Variants in GTF3C1 observed in about 807,000 individuals in gnomAD.
GTF3C1 encodes general transcription factor 3C polypeptide 1.
In GTF3C1, 57 loss-of-function variants were observed where a neutral mutation model predicts 226.7. The observed-to-expected ratio is 0.25, with a 90% confidence interval of 0.20 to 0.31. GTF3C1 has a LOEUF of 0.31. Among genes scored for constraint, GTF3C1 ranks in the 10% least tolerant of loss-of-function variants. The pLI is 1.00. For missense variants in GTF3C1, 2,217 were observed against 2,776.1 expected (o/e 0.80, Z 4.53); for synonymous variants, 1,090 against 1,084.8 (o/e 1.00, Z -0.09).
chr16:27,468,448 C>T (rs1187131053), intron 32 of GTF3C1, among the ~76,000 whole-genome samples: 1 of 150,482 alleles, frequency 6.6e-6, no homozygotes, highest in African/African-American at 2.5e-5. Flanking sequence ...CCCGTCTCTA[C>T]AAAAAATTAA....
At chr16:27,484,620 C>T (rs534450683) in intron 24 of GTF3C1, among the ~76,000 whole-genome samples, 81 of 152,156 alleles carry the variant, frequency 5.3e-4, no homozygotes, top group African/African-American at 1.8e-3. Flanking sequence ...AGGTGCCCAA[C>T]GGGGCGGGGG....
chr16:27,507,097 T>C lies in GTF3C1; in HGVS notation c.1302A>G (p.Ala434=), dbSNP rs1406776557. The change falls in exon 9 of 37, where the codon GCA becomes GCG. Residue 434 remains alanine (A), a synonymous_variant. Coordinates refer to ENST00000356183, the MANE Select transcript of GTF3C1 (RefSeq NM_001520.4). This position sits in a 1 kb window ranked among gnomAD's most constrained non-coding sequence, Gnocchi z 4.9. ...RTTKYISCVF[A]EESDLSRQYQ... is the part of the protein sequence containing the mutation. ...ACTGCCGGCTTAGGTCGCTCTCCTCTGCAAACACGCAGGAAATGTACTTGG... is the reference window on the plus strand; with the variant it reads ...ACTGCCGGCTTAGGTCGCTCTCCTCCGCAAACACGCAGGAAATGTACTTGG... 6.2e-7 allele frequency: 1 copy of C among 1,613,596 alleles called. No homozygotes were observed. The highest frequency in any genetic ancestry group is 8.5e-7 in the Non-Finnish European group (1 of 1,179,932).
intron 1 of GTF3C1, 26 bp from the exon 2 acceptor site, chr16:27,545,549 A>G (rs779185367): frequency 2.3e-6 from 3 of 1,277,582 alleles, no homozygotes; most frequent in Non-Finnish European, 3.4e-6. Context: ...CAAATATCAA[A>G]GCCCAACTCA....
Position 27,464,788 on chromosome 16 carries a change from G to A in GTF3C1, c.5404C>T (p.Arg1802Cys). 1.3e-6 allele frequency: 2 copies of A among 1,540,550 alleles called. No homozygotes were observed. Among genetic ancestry groups the A allele is most frequent in the Non-Finnish European group, 1.7e-6 (2 of 1,156,304 alleles). Residue 1802 changes from arginine to cysteine, a missense_variant, in exon 34 of 37, where the codon CGC becomes TGC. Around this residue, in one of 12 missense-constraint regions of GTF3C1, gnomAD observed 455 missense variants for 441.9 expected, o/e 1.03. Transcript: ENST00000356183. ...QVLEVGGNTA[R>C]LVAMGSAWPW... The stretch of plus-strand genomic sequence containing the variant: ...CAGGCAGAGCCCATGGCTACCAGGC[G>A]CGCAGTGTTGCCACCGACCTCCAGC...
chr16:27,544,832 C>T (rs886764937), intron 2 of GTF3C1, among the ~76,000 whole-genome samples: 2 of 152,152 alleles, frequency 1.3e-5, no homozygotes, highest in African/African-American at 4.8e-5. Flanking sequence ...GACCCGTGAC[C>T]CCAGTGAAGA....
chr16:27,474,277 A>G (rs923176874), intron 29 of GTF3C1, among the ~76,000 whole-genome samples: 1 of 152,254 alleles, frequency 6.6e-6, no homozygotes, highest in African/African-American at 2.4e-5. Context: ...GGGTTAAGGC[A>G]GAGTGACTAG....
In GTF3C1 at chr16:27,478,457, A is replaced by G. The variant is rs2087987632; in HGVS notation, c.4259+12T>C. Reference sequence around the variant, plus strand: ...CAGCTGAGGAAAAGCTACTCTATATATCAGTACTTACCTGTTAAGTTCATC... The same window carrying G: ...CAGCTGAGGAAAAGCTACTCTATATGTCAGTACTTACCTGTTAAGTTCATC... On this transcript the variant is annotated intron_variant, in intron 28 of 36. Coordinates refer to ENST00000356183, the MANE Select transcript of GTF3C1 (RefSeq NM_001520.4). 2 of 1,556,640 alleles carry G rather than the reference A, an allele frequency of 1.3e-6. No homozygotes were observed. Among genetic ancestry groups the G allele is most frequent in the African/African-American group, 1.4e-5 (1 of 73,872 alleles).
chr16:27,484,718 T>C (rs2088109118), intron 24 of GTF3C1, among the ~76,000 whole-genome samples: 1 of 152,250 alleles, frequency 6.6e-6, no homozygotes, highest in Non-Finnish European at 1.5e-5. Flanking sequence ...TAATTATGCA[T>C]CATGTGTGCT....
chr16:27,502,747 T>C, intron 11 of GTF3C1, 112 bp downstream of exon 11: 2 of 1,097,328 alleles, frequency 1.8e-6, no homozygotes, highest in East Asian at 5.2e-5. Flanking sequence ...ATCTACACAG[T>C]GGGACAGAGA....
At chr16:27,538,854 T>C (rs148382566) in intron 2 of GTF3C1, among the ~76,000 whole-genome samples, 178 of 152,148 alleles carry the variant, frequency 1.2e-3, no homozygotes, top group African/African-American at 4.2e-3. Flanking sequence ...CGCAGCTCAG[T>C]TGTCAACTCC....
chr16:27,499,799 G>C (rs757140186), intron 12 of GTF3C1, among the ~76,000 whole-genome samples: 2 of 152,218 alleles, frequency 1.3e-5, no homozygotes, highest in Non-Finnish European at 2.9e-5. Flanking sequence ...AAAGGCAAAA[G>C]ACTGACACAG....
chr16:27,520,208 G>A (rs1052218727), intron 6 of GTF3C1, among the ~76,000 whole-genome samples: 2 of 152,102 alleles, frequency 1.3e-5, no homozygotes, highest in Non-Finnish European at 2.9e-5. Context: ...TCCACCTCCT[G>A]GGTTCAAGCG....
At chr16:27,510,696 C>G (rs879299651) in intron 7 of GTF3C1, among the ~76,000 whole-genome samples, 2 of 152,218 alleles carry the variant, frequency 1.3e-5, no homozygotes, top group Admixed American at 6.5e-5. Flanking sequence ...TCCCTTGCAG[C>G]CACTTCACCT....
intron 6 of GTF3C1, among the ~76,000 whole-genome samples, chr16:27,525,132 T>C (rs938699494): frequency 6.8e-6 from 1 of 147,116 alleles, no homozygotes; most frequent in African/African-American, 2.7e-5. Flanking sequence ...GCCTGGGCAA[T>C]AGAGAGAAAC....
chr16:27,486,151 TC>T lies in GTF3C1; in HGVS notation c.3703del (p.Glu1235SerfsTer24). Reference sequence around the variant, plus strand: ...CCTTTTGCTTTTTTCTCCTGGGAACTCTCCTAAAAACACCAGAGGGAGAAGG... The same window carrying T: ...CCTTTTGCTTTTTTCTCCTGGGAACTTCCTAAAAACACCAGAGGGAGAAGG... ...GKKIKRKKKGEFPGEKSKRLR... is the reference protein window; with the variant it reads ...GKKIKRKKKGXFPGEKSKRLR... On this transcript the variant is annotated frameshift_variant and splice_region_variant, in exon 24 of 37. Transcript: ENST00000356183. LOFTEE classifies it high-confidence loss of function. The T allele has an allele frequency of 6.3e-7, 1 of 1,590,044 alleles. No individual in the cohort carries two copies. Among genetic ancestry groups the T allele is most frequent in the Non-Finnish European group, 8.6e-7 (1 of 1,160,870 alleles).
In GTF3C1 at chr16:27,494,898, G is replaced by A. The variant is rs747088894; in HGVS notation, c.2643C>T (p.Asp881=). The A allele has an allele frequency of 7.7e-5, 125 of 1,613,532 alleles. No individual in the cohort carries two copies. Among genetic ancestry groups the A allele is most frequent in the Middle Eastern group, 3.3e-4 (2 of 6,076 alleles). Residue 881 remains aspartate (D), a synonymous_variant, in exon 16 of 37, where the codon GAC becomes GAT. Transcript: ENST00000356183. ...GGATGTAGCGCATCCACGAGGCATC[G>A]TCGACATACACTAGGAAAAAAACGC... The part of the protein sequence containing the change: ...VELATETVYV[D]DASWMRYIPP...
Position 27,507,084 on chromosome 16 carries a change from G to A in GTF3C1, c.1315C>T (p.Leu439=). Residue 439 remains leucine (L), a synonymous_variant, in exon 9 of 37, where the codon CTA becomes TTA. Coordinates refer to ENST00000356183, the MANE Select transcript of GTF3C1 (RefSeq NM_001520.4). This position sits in a 1 kb window ranked among gnomAD's most constrained non-coding sequence, Gnocchi z 4.9. ...ISCVFAEESD[L]SRQYQREKAR... is the part of the protein sequence containing the mutation. ...TTCTCTCTTTGGTACTGCCGGCTTA[G>A]GTCGCTCTCCTCTGCAAACACGCAG... 1.2e-6 allele frequency: 2 copies of A among 1,613,802 alleles called. No homozygotes were observed. The highest frequency in any genetic ancestry group is 1.7e-6 in the Non-Finnish European group (2 of 1,179,940).
intron 24 of GTF3C1, among the ~76,000 whole-genome samples, chr16:27,484,902 T>C (rs184789663): frequency 1.3e-5 from 2 of 152,254 alleles, no homozygotes; most frequent in African/African-American, 4.8e-5. Context: ...ACCCAAAAAG[T>C]CTGTAAGTTC....
chr16:27,506,601 T>C lies in GTF3C1; in HGVS notation c.1552+246A>G, dbSNP rs116519951. 7.0e-3 allele frequency among the ~76,000 whole-genome samples: 1,059 copies of C among 152,250 alleles called. 16 individuals carry two copies. Among genetic ancestry groups the C allele is most frequent in the African/African-American group, 0.024 (1,005 of 41,528 alleles). ...GGCAGAGGAAGCTTATGAAATTCCA[T>C]CCTTTAATAGTAAAAACAAGCAAAC... On this transcript the variant is annotated intron_variant, in intron 9 of 36. Coordinates refer to ENST00000356183, the MANE Select transcript of GTF3C1 (RefSeq NM_001520.4).
Sources: gnomAD v4.1 joint callset for allele counts (sites outside exome capture counted in the v4.1 genomes callset) on GRCh38, gnomAD v4.1.1 for gene constraint, gnomAD v4.1.1 regional missense constraint, Gnocchi (gnomAD v3.1) non-coding constraint, MANE v1.5 for transcripts, NCBI Gene and HGNC (gene_info 2026-07-23, HGNC 2026-07-21) for gene names.